Variants in INKA2 observed in about 807,000 individuals in gnomAD.
The protein encoded by INKA2 is PAK4-inhibitor INKA2.
Under a neutral mutation model 9.8 loss-of-function variants are expected in INKA2, and 3 were observed. The observed-to-expected ratio is 0.31, with a 90% CI of 0.14 to 0.79. INKA2 has a LOEUF of 0.79. INKA2 is among the 30% of genes least tolerant of loss of function. The pLI is 0.62. For synonymous variants in INKA2, 147 were observed against 143.3 expected (o/e 1.03, Z -0.18); for missense variants, 392 against 384.4 (o/e 1.02, Z -0.17).
At chr1:111,750,311 C>T (rs1340415007) in intron 1 of INKA2, among the ~76,000 whole-genome samples, 2 of 152,328 alleles carry the variant, frequency 1.3e-5, no homozygotes, top group Admixed American at 6.5e-5. Flanking sequence ...TGAGGCTAGT[C>T]ACCCCATAAG....
chr1:111,734,270 T>C (rs1268539662), intron 1 of INKA2, among the ~76,000 whole-genome samples: 1 of 152,242 alleles, frequency 6.6e-6, no homozygotes, highest in Non-Finnish European at 1.5e-5. Context: ...GGGATTCCAA[T>C]GCTGCCTCTT....
At chr1:111,739,409 C>T, upstream of INKA2, 1 of 1,469,458 alleles carries the variant, frequency 6.8e-7, no homozygotes. Context: ...TCCCCAGCGG[C>T]TAGCCGCGCG....
intron 1 of INKA2, among the ~76,000 whole-genome samples, chr1:111,752,059 C>A (rs1203098881): frequency 2.0e-5 from 3 of 152,034 alleles, no homozygotes; most frequent in Admixed American, 2.0e-4. Context: ...GCATGATGAC[C>A]ATTACCATTT....
chr1:111,735,206 G>C (rs776501399), intron 1 of INKA2, among the ~76,000 whole-genome samples: 29 of 152,298 alleles, frequency 1.9e-4, no homozygotes, highest in African/African-American at 6.7e-4. Flanking sequence ...ATCTGTGTCT[G>C]TTGGTTTGTA....
At chr1:111,739,410 T>C (rs2101377822), upstream of INKA2, 6 of 1,466,590 alleles carry the variant, frequency 4.1e-6, no homozygotes, top group East Asian at 1.0e-4. Context: ...CCCCAGCGGC[T>C]AGCCGCGCGC....
rs531223501 is a variant in INKA2, at chr1:111,746,379, T to A, written n.124+9322A>T. 2.6e-5 allele frequency: 4 copies of A among 152,294 alleles called. No homozygotes were observed. In the East Asian group the frequency reaches 5.8e-4, roughly 22 times the overall value. 9.4% of individuals were successfully genotyped at this position (152,294 alleles called of 1,614,324 possible). A position where few individuals can be genotyped will look rare whatever the true frequency, so the allele number is the denominator to read the frequency against. ...AATAGGAACTGAACACGCGAAGGAG[T>A]TTCGGCTTTACTGCCTTCTCTCCTA... On this transcript the variant is annotated intron_variant and non_coding_transcript_variant, in intron 1 of 1. Coordinates refer to the INKA2 transcript ENST00000444059.
At position 111,739,334 on chromosome 1, in the gene INKA2, C is replaced by G. The variant is rs993162819; in HGVS notation, c.-92G>C. ...TGCGCTCCGGGCCGGCTCCCCGCCC[C>G]TGCGCCCGTAGCGCTCGCAGCGCGG... On this transcript the variant is annotated 5_prime_UTR_variant, in exon 1 of 2. Coordinates refer to ENST00000357260, the MANE Select transcript of INKA2 (RefSeq NM_019099.5). 3.7e-5 allele frequency: 58 copies of G among 1,577,118 alleles called. No homozygotes were observed. The highest frequency in any genetic ancestry group is 1.9e-4 in the Middle Eastern group (1 of 5,298).
Position 111,727,812 on chromosome 1 carries a change from G to A in INKA2, c.58-8C>T. The A allele has an allele frequency of 6.2e-7, 1 of 1,601,836 alleles. No homozygotes were observed. The highest frequency in any genetic ancestry group is 1.3e-5 in the African/African-American group (1 of 75,010). ...CACCTCCTTCATGGACATCTGCAGG[G>A]GAGAGAGAAAGCATGGGGCCTATGA... On this transcript the variant is annotated splice_region_variant and splice_polypyrimidine_tract_variant and intron_variant, in intron 1 of 1. Transcript: ENST00000357260.
intron 1 of INKA2, chr1:111,754,855 G>A (rs941988537): frequency 2.0e-5 from 3 of 152,194 alleles, no homozygotes; most frequent in Admixed American, 2.0e-4. Flanking sequence ...GTGGGAGACA[G>A]GCAGAAGACA....
In INKA2 at chr1:111,739,332, C is replaced by G. The variant is rs1477878897; in HGVS notation, c.-90G>C. Reference sequence around the variant, plus strand: ...ACTGCGCTCCGGGCCGGCTCCCCGCCCCTGCGCCCGTAGCGCTCGCAGCGC... The same window carrying G: ...ACTGCGCTCCGGGCCGGCTCCCCGCGCCTGCGCCCGTAGCGCTCGCAGCGC... On this transcript the variant is annotated 5_prime_UTR_variant, in exon 1 of 2. Coordinates refer to ENST00000357260, the MANE Select transcript of INKA2 (RefSeq NM_019099.5). 1.9e-6 allele frequency: 3 copies of G among 1,578,768 alleles called. No individual in the cohort carries two copies. Among genetic ancestry groups the G allele is most frequent in the Non-Finnish European group, 2.6e-6 (3 of 1,162,728 alleles).
At position 111,723,457 on chromosome 1, in the gene INKA2, T is replaced by G; in HGVS notation, c.*3511A>C. On this transcript the variant is annotated 3_prime_UTR_variant, in exon 2 of 2. Coordinates refer to ENST00000357260, the MANE Select transcript of INKA2 (RefSeq NM_019099.5). Reference sequence around the variant, plus strand: ...AGCATGCCCAGCAGGGACTCTTTTCTGTTCCCTGGGCCACAAAGAAGCAGG... The same window carrying G: ...AGCATGCCCAGCAGGGACTCTTTTCGGTTCCCTGGGCCACAAAGAAGCAGG... The G allele has an allele frequency of 3.3e-6, 1 of 299,236 alleles. No individual in the cohort carries two copies. Among genetic ancestry groups the G allele is most frequent in the South Asian group, 1.0e-4 (1 of 9,888 alleles). The allele number at this position is 299,236 out of a possible 1,614,324, so 18.5% of individuals were successfully genotyped here.
chr1:111,742,870 T>C (rs1663176863), upstream of INKA2, among the ~76,000 whole-genome samples: 1 of 152,236 alleles, frequency 6.6e-6, no homozygotes, highest in Non-Finnish European at 1.5e-5. Context: ...TGCTGGGCCA[T>C]TGCAACTTAC....
In INKA2 at chr1:111,726,099, G is replaced by A; in HGVS notation, c.*869C>T. ...AACTCCAGGGTCCAGCTTCTACTCT[G>A]CAGTTAGACCTAGGCTGTTCTGCCT... On this transcript the variant is annotated 3_prime_UTR_variant, in exon 2 of 2. Coordinates refer to ENST00000357260, the MANE Select transcript of INKA2 (RefSeq NM_019099.5). 1 of 398,654 alleles carries A rather than the reference G, an allele frequency of 2.5e-6. No homozygotes were observed. The allele number at this position is 398,654 out of a possible 1,614,324, so 24.7% of individuals were successfully genotyped here.
intron 1 of INKA2, among the ~76,000 whole-genome samples, chr1:111,751,866 C>G (rs948903877): frequency 1.3e-5 from 2 of 152,086 alleles, no homozygotes; most frequent in East Asian, 3.8e-4. Flanking sequence ...TTCCCCCTTC[C>G]TCTATAGTAA....
chr1:111,728,761 A>T (rs993097734), intron 1 of INKA2, among the ~76,000 whole-genome samples: 1 of 152,230 alleles, frequency 6.6e-6, no homozygotes, highest in Non-Finnish European at 1.5e-5. Flanking sequence ...CATCCCTAAG[A>T]TATCTTATTG....
intron 1 of INKA2, 60 bp from the exon 2 acceptor site, chr1:111,727,864 C>A: frequency 6.5e-7 from 1 of 1,533,924 alleles, no homozygotes; most frequent in Non-Finnish European, 8.9e-7. Flanking sequence ...GTGCCTCTCC[C>A]AGCCCTGAAC....
rs1298147073 is a variant in INKA2, at chr1:111,739,131, GGT to G, written c.57+53_57+54del. 3 of 1,557,790 alleles carry G rather than the reference GGT, an allele frequency of 1.9e-6. No individual in the cohort carries two copies. The African/African-American group carries it at 4.1e-5, about 21-fold the overall frequency. ...TCCCCGGGGGCCGGGGCGGAGACCA[GGT>G]GCCCGTCGGGGCGGAGCAGCCCTCC... On this transcript the variant is annotated intron_variant, in intron 1 of 1. Transcript: ENST00000357260.
chr1:111,744,347 TCAAA>T (rs1344096659), upstream of INKA2: 1 of 152,286 alleles, frequency 6.6e-6, no homozygotes, highest in African/African-American at 2.4e-5. Flanking sequence ...TTGGGTGTCT[TCAAA>T]CAAAGGTTGT....
At chr1:111,751,016 T>C (rs978862963) in intron 1 of INKA2, among the ~76,000 whole-genome samples, 1 of 152,220 alleles carries the variant, frequency 6.6e-6, no homozygotes, top group Non-Finnish European at 1.5e-5. Context: ...TTTCTGAGAC[T>C]TGTCTGCCTG....
Sources: allele counts gnomAD v4.1 joint callset (sites outside exome capture counted in the v4.1 genomes callset), GRCh38; gene constraint gnomAD v4.1.1; transcripts MANE v1.5; gene names NCBI Gene and HGNC (gene_info 2026-07-23, HGNC 2026-07-21).